The following KANK1 variants were observed in gnomAD, a reference collection of about 807,000 sequenced individuals.
The protein encoded by KANK1 is KN motif and ankyrin repeat domains 1, also known as KN motif and ankyrin repeat domain-containing protein 1.
Under a neutral mutation model 106.2 loss-of-function variants are expected in KANK1, and 109 were observed. The observed-to-expected ratio is 1.03, with a 90% CI of 0.88 to 1.20. The LOEUF (loss-of-function observed/expected upper bound fraction) is 1.20. KANK1 is among the 50% of genes most tolerant of loss of function. The pLI, the probability that KANK1 is intolerant of heterozygous loss-of-function variation, is 0.00. For synonymous variants in KANK1, 873 were observed against 652.2 expected, an observed-to-expected ratio of 1.34 and a Z score of -5.16; for missense variants, 2,399 against 1,710.7, an observed-to-expected ratio of 1.40 and a Z score of -7.10.
At chr9:571,588 CG>C (rs1819188074) in intron 1 of KANK1, among the ~76,000 whole-genome samples, 1 of 151,422 alleles carries the variant, frequency 6.6e-6, no homozygotes, top group Non-Finnish European at 1.5e-5. Flanking sequence ...ATTTTAAAAA[CG>C]TTTTTTAAAA....
rs373739801 is a variant in KANK1 at position 593,239 on chromosome 9, T to C, written c.-83-83651T>C. 2.6e-4 allele frequency among the ~76,000 whole-genome samples: 39 copies of C among 152,018 alleles called. 1 individual carries two copies. The highest frequency in any genetic ancestry group is 9.4e-4 in the African/African-American group (39 of 41,286). On this transcript the variant is annotated intron_variant, in intron 1 of 11. Coordinates refer to ENST00000382297, the MANE Select transcript of KANK1 (RefSeq NM_015158.5). ...TTGGTTTGGAAAATATGGATTATTA[T>C]TCTTTTCCTTATTTTAACTCTGAAA...
intron 2 of KANK1, chr9:677,501 C>A (rs916242625): frequency 1.3e-5 from 2 of 152,408 alleles, no homozygotes; most frequent in African/African-American, 4.8e-5. Flanking sequence ...ATCATAAAGA[C>A]CTGTATTTGA....
At chr9:563,872 A>G (rs1306710738) in intron 1 of KANK1, among the ~76,000 whole-genome samples, 1 of 152,194 alleles carries the variant, frequency 6.6e-6, no homozygotes, top group Non-Finnish European at 1.5e-5. Flanking sequence ...AGCACAGGGC[A>G]CACATAGGTT....
intron 1 of KANK1, among the ~76,000 whole-genome samples, chr9:630,283 C>A (rs1429073336): frequency 1.3e-5 from 2 of 151,156 alleles, no homozygotes; most frequent in Non-Finnish European, 2.9e-5. Flanking sequence ...GGGGCAGGCA[C>A]GGTGGCTCAC....
At position 517,869 on chromosome 9, in the gene KANK1, G is replaced by C. The variant is rs536028188; in HGVS notation, c.-84+13115G>C. Among the ~76,000 whole-genome samples, 3 of 151,062 alleles carry C rather than the reference G, an allele frequency of 2.0e-5. No individual in the cohort carries two copies. The South Asian group carries it at 6.3e-4, about 32-fold the overall frequency. ...TTCTCCCGCCTCAGCCTCCCAAGTAGCTGGAATTACGGAGTCCCCCACCAT... is the reference window on the plus strand; with the variant it reads ...TTCTCCCGCCTCAGCCTCCCAAGTACCTGGAATTACGGAGTCCCCCACCAT... On this transcript the variant is annotated intron_variant, in intron 1 of 11. Transcript: ENST00000382297.
At chr9:474,727 A>C (rs1349848121) in intron 3 of KANK1, among the ~76,000 whole-genome samples, 1 of 152,156 alleles carries the variant, frequency 6.6e-6, no homozygotes, top group African/African-American at 2.4e-5. Context: ...TCCTCCCCTG[A>C]AATGGGGTTG....
chr9:612,832 A>C (rs1830890826), intron 1 of KANK1, among the ~76,000 whole-genome samples: 1 of 152,152 alleles, frequency 6.6e-6, no homozygotes, highest in African/African-American at 2.4e-5. Flanking sequence ...CAGCTCTCCT[A>C]ATGGGGAGTC....
At chr9:471,076 C>G (rs533595442) in intron 2 of KANK1, 1 of 152,228 alleles carries the variant, frequency 6.6e-6, no homozygotes. Flanking sequence ...TAAGCTCATT[C>G]TATTAGCTTG....
intron 1 of KANK1, among the ~76,000 whole-genome samples, chr9:674,730 GTC>G (rs1770014130): frequency 6.6e-6 from 1 of 152,142 alleles, no homozygotes; most frequent in African/African-American, 2.4e-5. Context: ...TTTTGAGACA[GTC>G]TCGTTCTGTC....
At chr9:569,814 C>G (rs1273538144) in intron 1 of KANK1, among the ~76,000 whole-genome samples, 2 of 151,784 alleles carry the variant, frequency 1.3e-5, no homozygotes, top group Admixed American at 1.3e-4. Flanking sequence ...AATCATTTTT[C>G]AAACAGATTG....
rs190365572 is a variant in KANK1, at chr9:601,799, G to T, written c.-83-75091G>T. Reference sequence around the variant, plus strand: ...TCCTCACATTATGGCATCCCCTGATGCTCTAGGCTAATCTTGTATTTTCCT... The same window carrying T: ...TCCTCACATTATGGCATCCCCTGATTCTCTAGGCTAATCTTGTATTTTCCT... On this transcript the variant is annotated intron_variant, in intron 1 of 11. Transcript: ENST00000382297. Among the ~76,000 whole-genome samples, 152 of 151,824 alleles carry T rather than the reference G, an allele frequency of 1.0e-3. 5 individuals carry two copies. Among genetic ancestry groups the T allele is most frequent in the African/African-American group, 3.6e-3 (148 of 41,168 alleles).
chr9:580,770 G>T (rs529132228), intron 1 of KANK1, among the ~76,000 whole-genome samples: 4 of 152,216 alleles, frequency 2.6e-5, no homozygotes, highest in Non-Finnish European at 5.9e-5. Context: ...CTGTGCGCCC[G>T]CACTCCTGAG....
At chr9:499,316 C>T (rs1165342042) in intron 3 of KANK1, among the ~76,000 whole-genome samples, 1 of 152,046 alleles carries the variant, frequency 6.6e-6, no homozygotes, top group East Asian at 1.9e-4. Flanking sequence ...TTAATAATAG[C>T]CCAAAGTGGA....
chr9:487,553 G>T (rs376458297), intron 3 of KANK1, among the ~76,000 whole-genome samples: 4 of 152,160 alleles, frequency 2.6e-5, no homozygotes, highest in Non-Finnish European at 5.9e-5. Flanking sequence ...TATTTGTTTA[G>T]TATAGGGAGT....
intron 1 of KANK1, among the ~76,000 whole-genome samples, chr9:560,025 G>A (rs1815976022): frequency 1.3e-5 from 2 of 152,126 alleles, no homozygotes; most frequent in Non-Finnish European, 2.9e-5. Context: ...TTCTATTGTA[G>A]ACCCTAGTTC....
At chr9:516,711 A>G (rs1199700530) in intron 1 of KANK1, among the ~76,000 whole-genome samples, 1 of 151,630 alleles carries the variant, frequency 6.6e-6, no homozygotes, top group Non-Finnish European at 1.5e-5. Flanking sequence ...TTACTAGGTT[A>G]TACTTCATAG....
intron 1 of KANK1, among the ~76,000 whole-genome samples, chr9:607,866 A>G (rs1829616962): frequency 6.6e-6 from 1 of 151,682 alleles, no homozygotes; most frequent in Non-Finnish European, 1.5e-5. Context: ...GAAGCACCTT[A>G]GCAACCTCCT....
intron 3 of KANK1, among the ~76,000 whole-genome samples, chr9:474,969 A>G (rs1448543811): frequency 6.6e-6 from 1 of 152,076 alleles, no homozygotes; most frequent in Non-Finnish European, 1.5e-5. Context: ...AGGGCCCCCC[A>G]CCCTGACCAG....
intron 1 of KANK1, among the ~76,000 whole-genome samples, chr9:528,515 T>G (rs2059911714): frequency 7.9e-6 from 1 of 126,158 alleles, no homozygotes; most frequent in African/African-American, 3.0e-5. Flanking sequence ...GGAGTCTCAC[T>G]CTGTCACCCA....
Sources: allele counts gnomAD v4.1 joint callset (sites outside exome capture counted in the v4.1 genomes callset), GRCh38; gene constraint gnomAD v4.1.1; transcripts MANE v1.5; gene names NCBI Gene and HGNC (gene_info 2026-07-23, HGNC 2026-07-21).